The following LYZL2 variants were observed in gnomAD, a reference collection of about 807,000 sequenced individuals.
LYZL2 encodes the protein lysozyme-like protein 2.
LYZL2 carries 13 observed loss-of-function variants against 17.1 expected under a neutral mutation model. The ratio of observed to expected loss-of-function variants is 0.76; its 90% confidence interval spans 0.49 to 1.21. The LOEUF (loss-of-function observed/expected upper bound fraction) is 1.21. LYZL2 is among the 50% of genes most tolerant of loss of function. The probability of loss-of-function intolerance (pLI) is 0.00; values close to 1 mark genes in which losing one functional copy is unlikely to be tolerated. For missense variants in LYZL2, 166 were observed against 189.2 expected, an observed-to-expected ratio of 0.88 and a Z score of 0.72; for synonymous variants, 63 against 74.4, an observed-to-expected ratio of 0.85 and a Z score of 0.79.
Position 30,611,881 on chromosome 10 carries a change from G to A in LYZL2, c.*74C>T. The A allele has an allele frequency of 6.2e-7, 1 of 1,610,458 alleles. No individual in the cohort carries two copies. The highest frequency in any genetic ancestry group is 8.5e-7 in the Non-Finnish European group (1 of 1,178,938). On this transcript the variant is annotated 3_prime_UTR_variant, in exon 5 of 5. Coordinates refer to ENST00000647634, the MANE Select transcript of LYZL2 (RefSeq NM_183058.3). ...GGAATATTGGGAGGAAACGGGACAA[G>A]ATGACACAGGCATTTGGACATTCAC...
chr10:30,619,735 A>G (rs1201051194), intron 3 of LYZL2, among the ~76,000 whole-genome samples: 2 of 152,096 alleles, frequency 1.3e-5, no homozygotes, highest in Non-Finnish European at 2.9e-5. Flanking sequence ...CTAAATGAGG[A>G]GTTAATGAGT....
chr10:30,628,904 C>T (rs1389550909), intron 1 of LYZL2, among the ~76,000 whole-genome samples: 3 of 152,196 alleles, frequency 2.0e-5, no homozygotes, highest in Non-Finnish European at 2.9e-5. Flanking sequence ...TGAAACATAG[C>T]TACTCTCATC....
At position 30,626,773 on chromosome 10, in the gene LYZL2, T is replaced by A. The variant is rs2132951898; in HGVS notation, c.139+4A>T. 6.2e-7 allele frequency: 1 copy of A among 1,614,202 alleles called. No homozygotes were observed. The highest frequency in any genetic ancestry group is 2.2e-5 in the East Asian group (1 of 44,888). On this transcript the variant is annotated splice_donor_region_variant and intron_variant, in intron 2 of 4. Coordinates refer to ENST00000647634, the MANE Select transcript of LYZL2 (RefSeq NM_183058.3). ...GAAAGAGAGCAGGAAAGAAATAATC[T>A]CACAGTTTCCAAGGCTGAAGCCCCA...
intron 3 of LYZL2, among the ~76,000 whole-genome samples, chr10:30,616,802 A>C (rs1838534511): frequency 6.6e-6 from 1 of 152,230 alleles, no homozygotes. Flanking sequence ...TTCTTCCAAC[A>C]GAGGCCACTT....
chr10:30,627,348 G>A (rs1296817746), intron 1 of LYZL2, among the ~76,000 whole-genome samples: 4 of 151,696 alleles, frequency 2.6e-5, no homozygotes, highest in Admixed American at 6.6e-5. Context: ...CCATTTATCC[G>A]TGAATTTTCT....
chr10:30,618,259 T>C (rs947873371), intron 3 of LYZL2, among the ~76,000 whole-genome samples: 1 of 152,144 alleles, frequency 6.6e-6, no homozygotes, highest in African/African-American at 2.4e-5. Flanking sequence ...CCCAAGGTAA[T>C]TTATAGATTC....
intron 3 of LYZL2, among the ~76,000 whole-genome samples, chr10:30,621,113 A>G (rs535447201): frequency 2.6e-5 from 4 of 152,338 alleles, no homozygotes; most frequent in Admixed American, 6.5e-5. Flanking sequence ...ATGAATACCA[A>G]GTAAGATAAA....
downstream of LYZL2, among the ~76,000 whole-genome samples, chr10:30,608,580 G>A (rs541945966): frequency 2.8e-4 from 43 of 152,238 alleles, no homozygotes; most frequent in African/African-American, 9.9e-4. Flanking sequence ...GAAGATCCCC[G>A]CAGGGCAGCA....
chr10:30,627,468 T>G (rs11008154), intron 1 of LYZL2, among the ~76,000 whole-genome samples: 29,556 of 150,302 alleles, frequency 0.2, 2,923 homozygotes, highest in South Asian at 0.33. Flanking sequence ...ATGATCCACT[T>G]CCACTTAACA....
intron 3 of LYZL2, among the ~76,000 whole-genome samples, chr10:30,619,958 T>G (rs1229949192): frequency 1.3e-5 from 2 of 152,134 alleles, no homozygotes; most frequent in Non-Finnish European, 2.9e-5. Context: ...AAAGGAAATA[T>G]TTCTGCAATT....
intron 1 of LYZL2, among the ~76,000 whole-genome samples, chr10:30,628,214 C>G (rs1398760519): frequency 6.6e-6 from 1 of 152,170 alleles, no homozygotes; most frequent in Non-Finnish European, 1.5e-5. Context: ...GATTAAGCAC[C>G]TAATCTTTCC....
rs77571280 is a variant in LYZL2, at chr10:30,620,988, C to T, written c.298+5117G>A. Among the ~76,000 whole-genome samples the T allele has an allele frequency of 9.0e-4, 137 of 152,106 alleles. 2 individuals are homozygous for T. The East Asian group carries it at 0.024, about 27-fold the overall frequency. On this transcript the variant is annotated intron_variant, in intron 3 of 4. Coordinates refer to ENST00000647634, the MANE Select transcript of LYZL2 (RefSeq NM_183058.3). The stretch of plus-strand genomic sequence containing the variant: ...TGATGAATGGTACAGCATCAGCGAT[C>T]GAACATACATGCCGTTAGAATTCTT...
At chr10:30,615,705 T>TGG (rs1407377967) in intron 3 of LYZL2, among the ~76,000 whole-genome samples, 5 of 152,176 alleles carry the variant, frequency 3.3e-5, no homozygotes, top group Non-Finnish European at 5.9e-5. Context: ...TCAATAAAGC[T>TGG]GGGAAAAATA....
intron 3 of LYZL2, among the ~76,000 whole-genome samples, chr10:30,617,699 G>GAAAAAAAAAAAAAAAAAAA (rs1838556350): frequency 1.1e-5 from 1 of 90,226 alleles, no homozygotes; most frequent in Non-Finnish European, 2.4e-5. Context: ...AAAAAAAAAA[G>GAAAAAAAAAAAAAAAAAAA]AAAAGAAAAA....
At chr10:30,611,567 G>GA (rs1226333698), downstream of LYZL2, among the ~76,000 whole-genome samples, 3,263 of 79,324 alleles carry the variant, frequency 0.041, 36 homozygotes, top group South Asian at 0.078. Flanking sequence ...AGGAAGGAAG[G>GA]AAGGAAAGAA....
At chr10:30,606,504 C>T in the LYZL2 span, among the ~76,000 whole-genome samples, 1 of 152,080 alleles carries the variant, frequency 6.6e-6, no homozygotes, top group Non-Finnish European at 1.5e-5. Context: ...CAGGCATGCA[C>T]CTCCATCCCC....
intron 3 of LYZL2, among the ~76,000 whole-genome samples, chr10:30,616,721 C>G (rs12571581): frequency 0.14 from 21,785 of 152,192 alleles, 1,704 homozygotes; most frequent in East Asian, 0.24. Flanking sequence ...TCCCCATAAA[C>G]CAAGTTCACA....
rs371713983 is a variant in LYZL2 at position 30,626,890 on chromosome 10, A to C, written c.26T>G (p.Leu9Arg). Residue 9 changes from leucine to arginine, a missense_variant, in exon 2 of 5, where the codon CTC (leucine) becomes CGC (arginine). Physicochemically the swap from Leu to Arg is moderately radical, Grantham distance 102. Around this residue, in one of 2 missense-constraint regions of LYZL2, gnomAD observed 32 missense variants for 59.8 expected, o/e 0.53. Transcript: ENST00000647634. MKAAGILTLIGCLVTGAES... is the reference protein window; with the variant it reads MKAAGILTRIGCLVTGAES... ...GGCGCCTGTGACCAGGCAGCCAATG[A>C]GGGTCAGAATGCCCGCAGCCTTCAT... is the stretch of plus-strand genomic sequence containing the variant. 2 of 1,613,986 alleles carry C rather than the reference A, an allele frequency of 1.2e-6. No homozygotes were observed. Among genetic ancestry groups the C allele is most frequent in the East Asian group, 2.2e-5 (1 of 44,894 alleles).
intron 3 of LYZL2, among the ~76,000 whole-genome samples, chr10:30,620,367 G>A (rs1359447787): frequency 6.6e-6 from 1 of 152,158 alleles, no homozygotes; most frequent in African/African-American, 2.4e-5. Flanking sequence ...GAGCATCCCT[G>A]GTACCAGTCT....
Sources: allele counts gnomAD v4.1 joint callset (sites outside exome capture counted in the v4.1 genomes callset), GRCh38; gene constraint gnomAD v4.1.1; regional missense constraint gnomAD v4.1.1; transcripts MANE v1.5; gene names NCBI Gene and HGNC (gene_info 2026-07-23, HGNC 2026-07-21).